EYS: variants seen among roughly 807,000 people sequenced by gnomAD.
EYS encodes EGF-like photoreceptor maintenance factor, also known as protein eyes shut homolog.
EYS carries 250 observed loss-of-function variants against 282.1 expected under a neutral mutation model. That is an observed-to-expected ratio of 0.89 (90% CI 0.80 to 0.98). EYS has a LOEUF of 0.98. Ranked by LOEUF, EYS falls within the 50% of genes least tolerant of loss-of-function variation. The pLI is 0.00. For missense variants in EYS, 4,016 were observed against 3,709.0 expected (o/e 1.08, Z -2.15); for synonymous variants, 1,355 against 1,282.9 (o/e 1.06, Z -1.20).
chr6:64,315,335 G>T (rs1182556033), intron 29 of EYS, among the ~76,000 whole-genome samples: 1 of 152,158 alleles, frequency 6.6e-6, no homozygotes, highest in Non-Finnish European at 1.5e-5. Context: ...TCTACCAGAG[G>T]TACAAAGAGG....
intron 14 of EYS, among the ~76,000 whole-genome samples, chr6:64,950,197 C>G (rs1329814866): frequency 6.6e-6 from 1 of 151,742 alleles, no homozygotes; most frequent in Non-Finnish European, 1.5e-5. Context: ...AAAATGTATT[C>G]AAGATGAAAT....
chr6:65,378,425 C>T (rs879148523), intron 8 of EYS, among the ~76,000 whole-genome samples: 2 of 152,158 alleles, frequency 1.3e-5, no homozygotes, highest in Non-Finnish European at 2.9e-5. Flanking sequence ...AACGCTTTTA[C>T]ACTGTTGGTG....
intron 22 of EYS, among the ~76,000 whole-genome samples, chr6:64,776,943 G>A (rs2149990458): frequency 6.6e-6 from 1 of 152,254 alleles, no homozygotes; most frequent in East Asian, 1.9e-4. Flanking sequence ...AAGGAAAGAG[G>A]TCTAATTGAC....
chr6:65,060,709 C>T (rs1354833913), intron 12 of EYS, among the ~76,000 whole-genome samples: 1 of 151,248 alleles, frequency 6.6e-6, no homozygotes, highest in Admixed American at 6.6e-5. Flanking sequence ...CTAGTGTTTA[C>T]ACCTTCTTCT....
intron 26 of EYS, among the ~76,000 whole-genome samples, chr6:64,499,461 T>C (rs1582824115): frequency 1.3e-5 from 2 of 152,210 alleles, no homozygotes; most frequent in Admixed American, 1.3e-4. Context: ...TTGTTTTAAA[T>C]CTAGACTTTT....
intron 2 of EYS, among the ~76,000 whole-genome samples, chr6:65,609,492 C>A (rs1765918583): frequency 6.6e-6 from 1 of 151,988 alleles, no homozygotes. Context: ...ATCACAATTG[C>A]AAATCATCTT....
At chr6:64,506,736 C>G (rs542870656) in intron 26 of EYS, among the ~76,000 whole-genome samples, 2 of 151,922 alleles carry the variant, frequency 1.3e-5, no homozygotes, top group African/African-American at 4.8e-5. Context: ...CACGGTGAAA[C>G]CCCGTCTCTA....
At chr6:65,213,886 C>T (rs886233732) in intron 12 of EYS, among the ~76,000 whole-genome samples, 6 of 151,932 alleles carry the variant, frequency 3.9e-5, no homozygotes, top group African/African-American at 9.7e-5. Context: ...GCTGGCCGGG[C>T]GTGGTGGCTC....
At position 63,885,243 on chromosome 6, in the gene EYS, G is replaced by A. The variant is rs150832890; in HGVS notation, c.7056-20885C>T. Among the ~76,000 whole-genome samples, 711 of 152,224 alleles carry A rather than the reference G, an allele frequency of 4.7e-3. 6 individuals are homozygous for A. The highest frequency in any genetic ancestry group is 0.017 in the African/African-American group (688 of 41,530). ...AGGGTAGATCCCAATTACTGGCCAA[G>A]TAGGCTACATCTTTTGTCATCTGGG... is the stretch of plus-strand genomic sequence containing the variant. On this transcript the variant is annotated intron_variant, in intron 35 of 42. Coordinates refer to ENST00000503581, the MANE Select transcript of EYS (RefSeq NM_001142800.2).
chr6:64,527,727 T>C (rs1777969188), intron 26 of EYS, among the ~76,000 whole-genome samples: 1 of 151,662 alleles, frequency 6.6e-6, no homozygotes, highest in Non-Finnish European at 1.5e-5. Flanking sequence ...ATATATGATA[T>C]TTAATAAGGA....
At chr6:65,107,691 T>G (rs939234947) in intron 12 of EYS, among the ~76,000 whole-genome samples, 4 of 151,740 alleles carry the variant, frequency 2.6e-5, no homozygotes, top group East Asian at 1.9e-4. Flanking sequence ...TTTTTGTTTG[T>G]TTGGTTTTGT....
At chr6:64,338,392 G>GA (rs369351603) in intron 29 of EYS, among the ~76,000 whole-genome samples, 4,289 of 145,278 alleles carry the variant, frequency 0.03, 192 homozygotes, top group African/African-American at 0.098. Flanking sequence ...GCTGCAGAAA[G>GA]AAAAAAAAAA....
At chr6:65,211,618 T>C (rs1766178311) in intron 12 of EYS, among the ~76,000 whole-genome samples, 1 of 152,022 alleles carries the variant, frequency 6.6e-6, no homozygotes, top group African/African-American at 2.4e-5. Flanking sequence ...CATCTATCCA[T>C]ACCCATTTAG....
chr6:65,162,870 C>T (rs572774142), intron 12 of EYS, among the ~76,000 whole-genome samples: 8 of 150,850 alleles, frequency 5.3e-5, no homozygotes, highest in African/African-American at 1.7e-4. Flanking sequence ...GAAAATCACA[C>T]GTGACTTCTC....
chr6:64,644,803 C>T (rs1023147453), intron 22 of EYS, among the ~76,000 whole-genome samples: 3 of 152,094 alleles, frequency 2.0e-5, no homozygotes, highest in Admixed American at 6.5e-5. Context: ...AACTATAGCT[C>T]ATGTCATATT....
rs114500011 is a variant in EYS at position 65,141,814 on chromosome 6, C to T, written c.2024-84087G>A. Among the ~76,000 whole-genome samples, 1,185 of 152,118 alleles carry T rather than the reference C, an allele frequency of 7.8e-3. 8 individuals carry two copies. The highest frequency in any genetic ancestry group is 0.027 in the African/African-American group (1,133 of 41,516). On this transcript the variant is annotated intron_variant, in intron 12 of 42. Coordinates refer to ENST00000503581, the MANE Select transcript of EYS (RefSeq NM_001142800.2). ...AAATTTTCAAGGGTTGAAACATTTT[C>T]TTTACCCCAAATTCTATGGTCAGCA...
rs568126668 is a variant in EYS, at chr6:65,054,769, G to T, written c.2137+2845C>A. Among the ~76,000 whole-genome samples the T allele has an allele frequency of 3.9e-5, 6 of 151,908 alleles. No individual in the cohort carries two copies. In the East Asian group the frequency reaches 7.7e-4, roughly 20 times the overall value. On this transcript the variant is annotated intron_variant, in intron 13 of 42. Coordinates refer to ENST00000503581, the MANE Select transcript of EYS (RefSeq NM_001142800.2). ...TTATGTATGTACAGTTCCATTGAAC[G>T]TGTTAATGTACCATATAAAGCTAAG...
At chr6:64,860,056 A>C (rs1234611542) in intron 19 of EYS, among the ~76,000 whole-genome samples, 1 of 152,166 alleles carries the variant, frequency 6.6e-6, no homozygotes, top group Non-Finnish European at 1.5e-5. Flanking sequence ...CTTTTAAAAA[A>C]CATATTGTCC....
chr6:65,526,805 C>CA (rs1359760384), intron 2 of EYS, among the ~76,000 whole-genome samples: 2 of 151,666 alleles, frequency 1.3e-5, no homozygotes, highest in African/African-American at 2.4e-5. Context: ...GACTCTGTCT[C>CA]AAAAAACAAA....
Sources: allele counts gnomAD v4.1 joint callset (sites outside exome capture counted in the v4.1 genomes callset), GRCh38; gene constraint gnomAD v4.1.1; transcripts MANE v1.5; gene names NCBI Gene and HGNC (gene_info 2026-07-23, HGNC 2026-07-21).